The following TYW1B variants were observed in gnomAD, a reference collection of about 807,000 sequenced individuals.
The protein encoded by TYW1B is tRNA-yW synthesizing protein 1 homolog B.
In TYW1B, 73 loss-of-function variants were observed where a neutral mutation model predicts 86.9. The observed-to-expected ratio is 0.84, with a 90% CI of 0.70 to 1.02. TYW1B has a LOEUF of 1.02. TYW1B is among the 50% of genes least tolerant of loss of function. The probability of loss-of-function intolerance (pLI) is 0.00; values close to 1 mark genes in which losing one functional copy is unlikely to be tolerated. For synonymous variants in TYW1B, 248 were observed against 292.8 expected (o/e 0.85, Z 1.56); for missense variants, 637 against 827.4 (o/e 0.77, Z 2.82).
intron 6 of TYW1B, among the ~76,000 whole-genome samples, chr7:72,781,370 T>C (rs1554471599): frequency 6.6e-6 from 1 of 152,072 alleles, no homozygotes; most frequent in African/African-American, 2.4e-5. Context: ...AAATCACACC[T>C]CCTGGCGTCA....
intron 11 of TYW1B, among the ~76,000 whole-genome samples, chr7:72,666,265 T>C (rs1554445234): frequency 1.3e-5 from 2 of 151,420 alleles, no homozygotes; most frequent in Middle Eastern, 6.8e-3. Context: ...AATAAATAAA[T>C]AAAATAAAAA....
chr7:72,592,160 TAAAAAAAAAAAAAA>T (rs56146824), intron 13 of TYW1B, among the ~76,000 whole-genome samples: 7 of 103,378 alleles, frequency 6.8e-5, no homozygotes, highest in African/African-American at 1.2e-4. Context: ...ACTAATGTGT[TAAAAAAAAAAAAAA>T]AAAAAAAAAA....
intron 11 of TYW1B, among the ~76,000 whole-genome samples, chr7:72,677,729 G>T (rs782205845): frequency 6.6e-6 from 1 of 151,996 alleles, no homozygotes; most frequent in Non-Finnish European, 1.5e-5. Flanking sequence ...TTGAGATGAA[G>T]TCTTGCTCTA....
At chr7:72,597,320 C>A (rs1554432779) in intron 13 of TYW1B, among the ~76,000 whole-genome samples, 2 of 151,370 alleles carry the variant, frequency 1.3e-5, no homozygotes, top group African/African-American at 4.9e-5. Flanking sequence ...TAAAGTAGTA[C>A]CTAAAGGGAA....
chr7:72,828,156 G>C lies in TYW1B; in HGVS notation c.-81C>G. The C allele has an allele frequency of 1.3e-6, 2 of 1,598,672 alleles. No individual in the cohort carries two copies. The highest frequency in any genetic ancestry group is 1.7e-6 in the Non-Finnish European group (2 of 1,172,666). ...GCACTGGTACTGCGAGACGCACCGA[G>C]CTACCTCGCGGCGTTAGCGCCGTAC... On this transcript the variant is annotated 5_prime_UTR_variant, in exon 1 of 14. Transcript: ENST00000620995.
At chr7:72,614,632 T>TAAA (rs34879859) in intron 13 of TYW1B, among the ~76,000 whole-genome samples, 4 of 133,008 alleles carry the variant, frequency 3.0e-5, no homozygotes, top group Middle Eastern at 3.6e-3. Flanking sequence ...GACTCCATCT[T>TAAA]AAAAAAAAAA....
chr7:72,791,483 G>A (rs7808735), intron 6 of TYW1B, among the ~76,000 whole-genome samples: 97,224 of 149,346 alleles, frequency 0.65, 30,891 homozygotes, highest in Middle Eastern at 0.73. Flanking sequence ...TTGGACTTAA[G>A]AACAATAGAA....
intron 6 of TYW1B, among the ~76,000 whole-genome samples, chr7:72,787,915 A>T (rs7792924): frequency 6.6e-6 from 1 of 152,050 alleles, no homozygotes; most frequent in Non-Finnish European, 1.5e-5. Flanking sequence ...TAAACTGTAC[A>T]TTTAGATCAC....
At chr7:72,825,903 A>G (rs1221558726) in intron 2 of TYW1B, among the ~76,000 whole-genome samples, 2 of 152,212 alleles carry the variant, frequency 1.3e-5, no homozygotes, top group Non-Finnish European at 2.9e-5. Context: ...AACTGGGCAC[A>G]GGAGATGAAA....
chr7:72,727,811 CAAAAAAAAAAAAA>C (rs10714290), intron 9 of TYW1B, among the ~76,000 whole-genome samples: 8 of 107,664 alleles, frequency 7.4e-5, no homozygotes, highest in African/African-American at 1.8e-4. Context: ...AGATCCGGTC[CAAAAAAAAAAAAA>C]AAAAAAAAAG....
chr7:72,740,407 A>C (rs1382308393), intron 8 of TYW1B, among the ~76,000 whole-genome samples: 1 of 16,216 alleles, frequency 6.2e-5, no homozygotes, highest in Non-Finnish European at 2.8e-4. Flanking sequence ...CTCAAAAGGA[A>C]AAAAAAAAAA....
intron 11 of TYW1B, among the ~76,000 whole-genome samples, chr7:72,657,769 C>A (rs1438218000): frequency 1.3e-5 from 2 of 152,180 alleles, no homozygotes; most frequent in African/African-American, 4.8e-5. Context: ...GAAATAAAGT[C>A]TTTCCCAGAC....
intron 11 of TYW1B, among the ~76,000 whole-genome samples, chr7:72,682,291 C>T (rs1468748542): frequency 1.3e-5 from 2 of 151,602 alleles, no homozygotes; most frequent in African/African-American, 4.8e-5. Flanking sequence ...AGTTTCAATA[C>T]GTAGTAATGA....
chr7:72,746,665 A>G (rs1787400622), intron 7 of TYW1B, among the ~76,000 whole-genome samples: 1 of 152,150 alleles, frequency 6.6e-6, no homozygotes. Context: ...TACTGTCCTT[A>G]TAAGAACAGG....
At chr7:72,818,195 T>C (rs1268058083) in intron 2 of TYW1B, among the ~76,000 whole-genome samples, 3 of 151,926 alleles carry the variant, frequency 2.0e-5, no homozygotes, top group Non-Finnish European at 4.4e-5. Context: ...CAAGTGGATG[T>C]TGGCACCATG....
chr7:72,622,606 CACACACGG>C (rs1244383252), intron 12 of TYW1B, among the ~76,000 whole-genome samples: 2 of 152,056 alleles, frequency 1.3e-5, no homozygotes, highest in East Asian at 1.9e-4. Context: ...ATCTGACACG[CACACACGG>C]ACACACACAA....
chr7:72,607,254 G>A (rs545918816), intron 13 of TYW1B, among the ~76,000 whole-genome samples: 12 of 151,958 alleles, frequency 7.9e-5, no homozygotes, highest in African/African-American at 2.4e-4. Context: ...TTAGCTGGGT[G>A]TGGTGGTACA....
chr7:72,574,573 G>A lies in TYW1B; in HGVS notation c.*925C>T. 1 of 984,570 alleles carries A rather than the reference G, an allele frequency of 1.0e-6. No individual in the cohort carries two copies. Among genetic ancestry groups the A allele is most frequent in the African/African-American group, 1.7e-5 (1 of 57,306 alleles). 61.0% of individuals were successfully genotyped at this position (984,570 alleles called of 1,614,324 possible). On this transcript the variant is annotated 3_prime_UTR_variant, in exon 14 of 14. Coordinates refer to ENST00000620995, the MANE Select transcript of TYW1B (RefSeq NM_001145440.3). Reference sequence around the variant, plus strand: ...GCATAAAAGACTGTTAAAAGAATTTGCTAACTTGAAAACAATTTTGAGTAT... The same window carrying A: ...GCATAAAAGACTGTTAAAAGAATTTACTAACTTGAAAACAATTTTGAGTAT...
In TYW1B at chr7:72,802,495, C is replaced by T. The variant is rs781885537; in HGVS notation, c.751G>A (p.Glu251Lys). The change falls in exon 6 of 14, where the codon GAA (glutamate) becomes AAA (lysine). Residue 251 changes from glutamate to lysine, a missense_variant. Physicochemically the swap from Glu to Lys is moderately conservative, Grantham distance 56. Transcript: ENST00000620995. ...TGGTCCTCACCACCAAACTCTTCTT[C>T]ACTGGAGCTCTCGAAGGGTTCTTCC... ...KEEEPFESSS[E>K]EEFGGEDHQS... 2 of 1,613,936 alleles carry T rather than the reference C, an allele frequency of 1.2e-6. No individual in the cohort carries two copies. The highest frequency in any genetic ancestry group is 2.2e-5 in the South Asian group (2 of 91,078).
Sources: allele counts gnomAD v4.1 joint callset (sites outside exome capture counted in the v4.1 genomes callset), GRCh38; gene constraint gnomAD v4.1.1; transcripts MANE v1.5; gene names NCBI Gene and HGNC (gene_info 2026-07-23, HGNC 2026-07-21).